Variants in RARB observed in about 807,000 individuals in gnomAD.
RARB encodes the protein HBV-activated protein.
RARB carries 17 observed loss-of-function variants against 51.9 expected under a neutral mutation model. The observed-to-expected ratio is 0.33, with a 90% CI of 0.22 to 0.49. The LOEUF (loss-of-function observed/expected upper bound fraction) is 0.49. Ranked by LOEUF, RARB falls within the 20% of genes least tolerant of loss-of-function variation. The pLI, the probability that RARB is intolerant of heterozygous loss-of-function variation, is 0.99. For synonymous variants in RARB, 215 were observed against 195.4 expected, an observed-to-expected ratio of 1.10 and a Z score of -0.84; for missense variants, 369 against 550.8, an observed-to-expected ratio of 0.67 and a Z score of 3.30.
At chr3:24,905,251 G>T (rs1170697746) in intron 2 of RARB, among the ~76,000 whole-genome samples, 2 of 152,130 alleles carry the variant, frequency 1.3e-5, no homozygotes, top group Non-Finnish European at 2.9e-5. Flanking sequence ...GGCCCTGGGG[G>T]TTTGTGATAT....
intron 2 of RARB, among the ~76,000 whole-genome samples, chr3:24,869,064 T>A (rs1165187205): frequency 1.3e-5 from 2 of 152,122 alleles, no homozygotes; most frequent in Non-Finnish European, 2.9e-5. Flanking sequence ...GTTGGACTCT[T>A]TTCATCAACA....
intron 3 of RARB, among the ~76,000 whole-genome samples, chr3:25,516,150 C>T (rs1559446145): frequency 1.3e-5 from 2 of 152,168 alleles, no homozygotes; most frequent in South Asian, 2.1e-4. Context: ...TCTAATACCC[C>T]AAATTGCATC....
Position 25,173,023 on chromosome 3 carries a change from C to T in RARB, c.-279-1096C>T, listed in dbSNP as rs572389105. 2.9e-3 allele frequency among the ~76,000 whole-genome samples: 441 copies of T among 152,302 alleles called. 1 individual carries two copies. Among genetic ancestry groups the T allele is most frequent in the African/African-American group, 0.01 (425 of 41,564 alleles). On this transcript the variant is annotated intron_variant, in intron 4 of 11. Transcript: ENST00000383772. ...TTCTGGCCTTGAAGTACTCTTGTTT[C>T]GTGCCACATGAATCTTTTTTTGTGC...
At chr3:25,174,080 T>G in intron 4 of RARB, 1 of 176,456 alleles carries the variant, frequency 5.7e-6, no homozygotes, top group Non-Finnish European at 1.2e-5. Flanking sequence ...AGGGAGAGAT[T>G]TTTTGTGATA....
intron 5 of RARB, among the ~76,000 whole-genome samples, chr3:25,345,142 C>T (rs1295077045): frequency 1.3e-5 from 2 of 152,088 alleles, no homozygotes; most frequent in East Asian, 3.9e-4. Context: ...ACTCAGGGTC[C>T]TAAAGAGAAA....
chr3:25,215,126 C>T (rs1559509056), intron 5 of RARB, among the ~76,000 whole-genome samples: 1 of 152,190 alleles, frequency 6.6e-6, no homozygotes, highest in Admixed American at 6.5e-5. Context: ...TACACGGACT[C>T]ACCTGGGGCC....
chr3:25,516,502 T>C (rs1698167149), intron 3 of RARB, among the ~76,000 whole-genome samples: 1 of 152,160 alleles, frequency 6.6e-6, no homozygotes, highest in African/African-American at 2.4e-5. Context: ...AATAATCAAA[T>C]TGAGACTGGC....
chr3:25,023,541 C>T (rs1697681996), intron 2 of RARB, among the ~76,000 whole-genome samples: 1 of 152,104 alleles, frequency 6.6e-6, no homozygotes, highest in South Asian at 2.1e-4. Flanking sequence ...GGGGTTAGGA[C>T]TACATCACAA....
At chr3:25,094,810 G>A (rs1699264968) in intron 3 of RARB, among the ~76,000 whole-genome samples, 1 of 149,984 alleles carries the variant, frequency 6.7e-6, no homozygotes, top group South Asian at 2.1e-4. Context: ...GAGTTCTGAT[G>A]TAGGTTGTCT....
chr3:25,118,462 T>C (rs1247764228), intron 3 of RARB, among the ~76,000 whole-genome samples: 1 of 152,190 alleles, frequency 6.6e-6, no homozygotes, highest in Non-Finnish European at 1.5e-5. Flanking sequence ...GTGTAATTTA[T>C]GCCAAAAGGA....
chr3:24,883,999 G>C (rs1287715283), intron 2 of RARB, among the ~76,000 whole-genome samples: 1 of 152,066 alleles, frequency 6.6e-6, no homozygotes, highest in South Asian at 2.1e-4. Context: ...CATCTAAATA[G>C]GTAACAAGCA....
At chr3:25,174,735 T>C (rs763850727) in intron 5 of RARB, among the ~76,000 whole-genome samples, 1 of 152,206 alleles carries the variant, frequency 6.6e-6, no homozygotes, top group Non-Finnish European at 1.5e-5. Flanking sequence ...AGAGATATGA[T>C]TTGAAACTAG....
intron 4 of RARB, among the ~76,000 whole-genome samples, chr3:25,140,757 A>G (rs767687551): frequency 8.5e-5 from 13 of 152,168 alleles, no homozygotes; most frequent in Non-Finnish European, 1.6e-4. Context: ...GAAAGGGTAT[A>G]GAAAACTTCA....
chr3:24,910,153 C>T (rs531611610), intron 2 of RARB, among the ~76,000 whole-genome samples: 2 of 152,106 alleles, frequency 1.3e-5, no homozygotes, highest in East Asian at 3.9e-4. Flanking sequence ...TTTTTTACTC[C>T]ACCATGTTTC....
At chr3:25,442,204 C>T (rs1318279949) in intron 1 of RARB, among the ~76,000 whole-genome samples, 1 of 151,830 alleles carries the variant, frequency 6.6e-6, no homozygotes, top group African/African-American at 2.4e-5. Context: ...GGTGCTATCT[C>T]GGCTCACTGC....
intron 5 of RARB, among the ~76,000 whole-genome samples, chr3:25,383,999 GA>G (rs1706713495): frequency 6.6e-6 from 1 of 151,914 alleles, no homozygotes; most frequent in Non-Finnish European, 1.5e-5. Flanking sequence ...AGACTACACA[GA>G]TCTGTAAGAT....
chr3:25,334,965 A>G (rs962925751), intron 5 of RARB, among the ~76,000 whole-genome samples: 12 of 152,104 alleles, frequency 7.9e-5, no homozygotes, highest in Non-Finnish European at 1.6e-4. Flanking sequence ...ATAAGAAACA[A>G]TTTGACTTTC....
chr3:25,462,627 C>G (rs771264586), intron 2 of RARB: 3 of 152,250 alleles, frequency 2.0e-5, no homozygotes, highest in Non-Finnish European at 4.4e-5. Flanking sequence ...CTTAAGACAA[C>G]AATTCTTTAT....
intron 5 of RARB, among the ~76,000 whole-genome samples, chr3:25,208,591 G>A (rs561965533): frequency 3.3e-5 from 5 of 151,920 alleles, no homozygotes; most frequent in African/African-American, 4.8e-5. Context: ...GTTCCCTTCC[G>A]CTCTCTTTGT....
Sources: allele counts gnomAD v4.1 joint callset (sites outside exome capture counted in the v4.1 genomes callset), GRCh38; gene constraint gnomAD v4.1.1; transcripts MANE v1.5; gene names NCBI Gene and HGNC (gene_info 2026-07-23, HGNC 2026-07-21).